MTNAP1: variants seen among roughly 807,000 people sequenced by gnomAD.
MTNAP1 encodes the protein mitochondrial nucleoid-associated protein 1.
chr17:73,238,277 C>T, the MTNAP1 span, among the ~76,000 whole-genome samples: 2 of 38,152 alleles, frequency 5.2e-5, no homozygotes, highest in African/African-American at 1.6e-4. Context: ...AAGTAGCATA[C>T]CTGTCGTTTG....
the MTNAP1 span, among the ~76,000 whole-genome samples, chr17:73,237,920 CAA>C: frequency 6.6e-6 from 1 of 151,832 alleles, no homozygotes; most frequent in East Asian, 1.9e-4. Context: ...TGGCCAAAAA[CAA>C]AAGAAAAAAT....
the MTNAP1 span, among the ~76,000 whole-genome samples, chr17:73,243,755 G>A: frequency 1.3e-4 from 19 of 151,924 alleles, 2 homozygotes; most frequent in Admixed American, 6.5e-4. Context: ...GGCTAGTCTC[G>A]AACTCCTGAC....
At chr17:73,237,129 A>C in the MTNAP1 span, 5 of 959,656 alleles carry the variant, frequency 5.2e-6, no homozygotes, top group Non-Finnish European at 7.4e-6. Flanking sequence ...AGTAGACTGC[A>C]TATAAAGTTG....
the MTNAP1 span, among the ~76,000 whole-genome samples, chr17:73,238,803 A>G: frequency 6.6e-6 from 1 of 152,224 alleles, no homozygotes; most frequent in Admixed American, 6.5e-5. Context: ...TTGCCAATAA[A>G]TAGTAGAGCT....
chr17:73,245,043 T>C, the MTNAP1 span: 5 of 815,684 alleles, frequency 6.1e-6, no homozygotes, highest in South Asian at 8.9e-5. Flanking sequence ...AAACTTCTCA[T>C]TGTGCTTAAT....
chr17:73,248,267 G>GT, the MTNAP1 span: 2 of 526,658 alleles, frequency 3.8e-6, no homozygotes, highest in Non-Finnish European at 6.8e-6. Context: ...TAGTAGACAA[G>GT]TAAGACTGCT....
chr17:73,234,259 A>T, the MTNAP1 span, among the ~76,000 whole-genome samples: 1 of 152,182 alleles, frequency 6.6e-6, no homozygotes, highest in Non-Finnish European at 1.5e-5. Flanking sequence ...TAAACATTGG[A>T]ATTAAACATT....
the MTNAP1 span, chr17:73,233,371 C>G: frequency 6.6e-6 from 1 of 152,206 alleles, no homozygotes; most frequent in Non-Finnish European, 1.5e-5. Context: ...TGGGAATGTA[C>G]CGGGATCTTT....
chr17:73,243,839 G>T, the MTNAP1 span, among the ~76,000 whole-genome samples: 1 of 152,212 alleles, frequency 6.6e-6, no homozygotes. Flanking sequence ...AGCCTTTGTA[G>T]CTTTTTTCCC....
chr17:73,236,076 A>G, the MTNAP1 span: 156 of 1,614,202 alleles, frequency 9.7e-5, no homozygotes, highest in African/African-American at 8.1e-4. Context: ...ATGATGTACA[A>G]ACTACCTCTG....
chr17:73,236,672 T>C, the MTNAP1 span: 5 of 1,614,164 alleles, frequency 3.1e-6, no homozygotes, highest in Non-Finnish European at 4.2e-6. Flanking sequence ...CATCATTGTG[T>C]CCCTGATGTA....
chr17:73,233,787 C>A, the MTNAP1 span, among the ~76,000 whole-genome samples: 3 of 151,958 alleles, frequency 2.0e-5, no homozygotes, highest in African/African-American at 7.3e-5. Context: ...GCAGGAGAAC[C>A]GTTTGAACCT....
At chr17:73,236,462 T>G in the MTNAP1 span, 1 of 1,614,150 alleles carries the variant, frequency 6.2e-7, no homozygotes, top group Non-Finnish European at 8.5e-7. Context: ...GAACGGACTG[T>G]CATGAGCCAT....
the MTNAP1 span, chr17:73,248,702 G>C: frequency 1.4e-6 from 1 of 710,140 alleles, no homozygotes; most frequent in Non-Finnish European, 2.4e-6. Flanking sequence ...TCACGGACAT[G>C]CCTGAATACC....
At chr17:73,234,520 G>A in the MTNAP1 span, among the ~76,000 whole-genome samples, 3 of 151,878 alleles carry the variant, frequency 2.0e-5, no homozygotes, top group Admixed American at 6.5e-5. Context: ...GTGAAACCCC[G>A]TCTCTACTAA....
the MTNAP1 span, chr17:73,243,077 ATTTTTTTTTTT>A: frequency 2.4e-4 from 104 of 438,582 alleles, 2 homozygotes; most frequent in Middle Eastern, 1.4e-3. Context: ...GATTCTCTGA[ATTTTTTTTTTT>A]TTTTTTTTTT....
the MTNAP1 span, chr17:73,247,305 G>A: frequency 1.5e-5 from 25 of 1,614,080 alleles, no homozygotes; most frequent in South Asian, 3.3e-5. Context: ...TGGCGAAGAC[G>A]ACTGGGGATT....
At chr17:73,245,647 T>G in the MTNAP1 span, 5 of 985,396 alleles carry the variant, frequency 5.1e-6, no homozygotes, top group Non-Finnish European at 6.0e-6. Flanking sequence ...GCCCTTCCCC[T>G]TAGTTTCTTT....
chr17:73,234,744 T>G, the MTNAP1 span, among the ~76,000 whole-genome samples: 1 of 151,020 alleles, frequency 6.6e-6, no homozygotes, highest in East Asian at 2.0e-4. Context: ...TGTATATATT[T>G]GTGCATTATG....
Sources: gnomAD v4.1 joint callset for allele counts (sites outside exome capture counted in the v4.1 genomes callset) on GRCh38, gnomAD v4.1.1 for gene constraint, MANE v1.5 for transcripts, NCBI Gene and HGNC (gene_info 2026-07-23, HGNC 2026-07-21) for gene names.